The following RBFOX2 variants were observed in gnomAD, a reference collection of about 807,000 sequenced individuals.
RBFOX2 encodes the protein RNA binding fox-1 homolog 2, also known as RNA binding protein fox-1 homolog 2.
RBFOX2 carries 10 observed loss-of-function variants against 49.1 expected under a neutral mutation model. The ratio of observed to expected loss-of-function variants is 0.20; its 90% CI spans 0.13 to 0.35. RBFOX2 has a LOEUF of 0.35. Ranked by LOEUF, RBFOX2 falls within the 10% of genes least tolerant of loss-of-function variation. The probability of loss-of-function intolerance (pLI) is 1.00; values close to 1 mark genes in which losing one functional copy is unlikely to be tolerated. For missense variants in RBFOX2, 323 were observed against 486.9 expected, an observed-to-expected ratio of 0.66 and a Z score of 3.17; for synonymous variants, 183 against 187.4, an observed-to-expected ratio of 0.98 and a Z score of 0.19.
chr22:35,753,401 C>G (rs1245689214), intron 9 of RBFOX2, among the ~76,000 whole-genome samples: 2 of 152,178 alleles, frequency 1.3e-5, no homozygotes, highest in Non-Finnish European at 2.9e-5. Context: ...TCAGTAGTTA[C>G]CTCATAAAGT....
chr22:35,835,486 A>G (rs1164090948), intron 1 of RBFOX2, among the ~76,000 whole-genome samples: 1 of 152,240 alleles, frequency 6.6e-6, no homozygotes, highest in Non-Finnish European at 1.5e-5. Flanking sequence ...TCAGGGGAGA[A>G]CAGAAAACTG....
chr22:35,894,115 C>A (rs1475972467), intron 1 of RBFOX2, among the ~76,000 whole-genome samples: 2 of 152,162 alleles, frequency 1.3e-5, no homozygotes, highest in Admixed American at 1.3e-4. Context: ...CAGAAAGTTT[C>A]TCTCCATCCC....
chr22:35,751,046 T>G (rs886892448), intron 9 of RBFOX2, among the ~76,000 whole-genome samples: 1 of 151,940 alleles, frequency 6.6e-6, no homozygotes, highest in Non-Finnish European at 1.5e-5. Context: ...TGTTGCCACG[T>G]TGACCACATG....
intron 1 of RBFOX2, among the ~76,000 whole-genome samples, chr22:35,835,562 G>A (rs1957508770): frequency 1.3e-5 from 2 of 152,120 alleles, no homozygotes; most frequent in African/African-American, 4.8e-5. Context: ...TGTCATTACT[G>A]TTCAATATGA....
At chr22:35,794,272 A>T (rs751800202) in intron 2 of RBFOX2, among the ~76,000 whole-genome samples, 1 of 152,094 alleles carries the variant, frequency 6.6e-6, no homozygotes, top group Non-Finnish European at 1.5e-5. Context: ...CTGACAGCAG[A>T]CTTCCTAAGG....
chr22:35,806,406 G>C (rs1194244302), intron 2 of RBFOX2, among the ~76,000 whole-genome samples: 1 of 151,984 alleles, frequency 6.6e-6, no homozygotes, highest in Non-Finnish European at 1.5e-5. Context: ...TAGCACAAAG[G>C]CGCGTGGGGA....
chr22:35,756,181 A>AG, intron 9 of RBFOX2, 37 bp from the exon 11 acceptor site: 1 of 1,485,756 alleles, frequency 6.7e-7, no homozygotes, highest in East Asian at 2.7e-5. Flanking sequence ...AACAAAAAAA[A>AG]CAAAAGAACA....
intron 1 of RBFOX2, among the ~76,000 whole-genome samples, chr22:35,875,610 GTGTGTGTGTGTGTGT>G (rs2044955011): frequency 1.3e-4 from 2 of 14,838 alleles, no homozygotes; most frequent in African/African-American, 2.2e-4. Flanking sequence ...TCACAAGGGT[GTGTGTGTGTGTGTGT>G]GTGTGTGTGT....
At chr22:35,895,067 TCCGTCCCTCC>T (rs1218365209) in intron 1 of RBFOX2, among the ~76,000 whole-genome samples, 2 of 150,710 alleles carry the variant, frequency 1.3e-5, no homozygotes, top group Non-Finnish European at 3.0e-5. Flanking sequence ...TCACCCTCCC[TCCGTCCCTCC>T]CTCTCTCTCT....
rs75435007 is a variant in RBFOX2, at chr22:35,944,553, C to A, written c.43-5656G>T. On this transcript the variant is annotated intron_variant, in intron 1 of 5. Transcript: ENST00000408983. ...AGAAAACTTAACAATACTGAAGCTC[C>A]AAAGCTCTGCTTTCCATACAGTTAT... Among the ~76,000 whole-genome samples the A allele has an allele frequency of 4.4e-3, 676 of 152,188 alleles. 4 individuals carry two copies. Among genetic ancestry groups the A allele is most frequent in the African/African-American group, 0.014 (592 of 41,510 alleles).
At chr22:35,886,720 C>G (rs1033205800) in intron 1 of RBFOX2, among the ~76,000 whole-genome samples, 2 of 152,146 alleles carry the variant, frequency 1.3e-5, no homozygotes, top group African/African-American at 4.8e-5. Context: ...ATGAAACCAC[C>G]GTAAGATTGA....
At chr22:35,901,279 A>G (rs941846576) in intron 1 of RBFOX2, among the ~76,000 whole-genome samples, 4 of 152,028 alleles carry the variant, frequency 2.6e-5, no homozygotes, top group African/African-American at 9.7e-5. Flanking sequence ...TCAAGACTGG[A>G]AAAAAAATCA....
chr22:35,823,784 C>T (rs1478226064), intron 1 of RBFOX2, among the ~76,000 whole-genome samples: 1 of 152,160 alleles, frequency 6.6e-6, no homozygotes, highest in African/African-American at 2.4e-5. Context: ...TTAAAACTGC[C>T]TGTATACTTA....
At chr22:35,789,436 G>C (rs559051363) in intron 2 of RBFOX2, among the ~76,000 whole-genome samples, 1 of 152,216 alleles carries the variant, frequency 6.6e-6, no homozygotes, top group Admixed American at 6.5e-5. Context: ...CCAGCTACCT[G>C]GGAGGCTGAA....
chr22:35,746,321 G>A lies in RBFOX2; in HGVS notation c.976+152C>T, dbSNP rs1484989660. 10 of 703,490 alleles carry A rather than the reference G, an allele frequency of 1.4e-5. No individual in the cohort carries two copies. The East Asian group carries it at 2.5e-4, about 18-fold the overall frequency. The allele number at this position is 703,490 out of a possible 1,614,324, so 43.6% of individuals were successfully genotyped here. On this transcript the variant is annotated intron_variant, in intron 10 of 11. Coordinates refer to ENST00000405409, the Ensembl canonical transcript of RBFOX2. ...TGCCTTGTGCTTTAGGCATGACAGAGGCCATCAAGAGGTCTGCAGAAAGCC... is the reference window on the plus strand; with the variant it reads ...TGCCTTGTGCTTTAGGCATGACAGAAGCCATCAAGAGGTCTGCAGAAAGCC...
chr22:35,779,691 T>C (rs759532064), intron 3 of RBFOX2, among the ~76,000 whole-genome samples: 3 of 152,244 alleles, frequency 2.0e-5, no homozygotes, highest in Admixed American at 6.5e-5. Context: ...AAGAAGCTAT[T>C]TGTCAAGTTT....
chr22:35,757,547 A>G (rs1044401864), intron 9 of RBFOX2, among the ~76,000 whole-genome samples: 10 of 152,212 alleles, frequency 6.6e-5, no homozygotes, highest in East Asian at 1.9e-4. Flanking sequence ...TAACTTGAAT[A>G]TGAAATAACT....
intron 1 of RBFOX2, among the ~76,000 whole-genome samples, chr22:35,912,811 T>C (rs953748859): frequency 6.6e-6 from 1 of 152,196 alleles, no homozygotes; most frequent in African/African-American, 2.4e-5. Context: ...AGCATGGCAT[T>C]GAAGAAAGAA....
chr22:35,795,626 A>C (rs1282283691), intron 2 of RBFOX2, among the ~76,000 whole-genome samples: 1 of 142,562 alleles, frequency 7.0e-6, no homozygotes, highest in Non-Finnish European at 1.6e-5. Context: ...TGTGTAGAAA[A>C]GCAAAAAAAA....
Sources: allele counts gnomAD v4.1 joint callset (sites outside exome capture counted in the v4.1 genomes callset), GRCh38; gene constraint gnomAD v4.1.1; transcripts MANE v1.5; gene names NCBI Gene and HGNC (gene_info 2026-07-23, HGNC 2026-07-21).